CLTC: variants seen among roughly 807,000 people sequenced by gnomAD.
CLTC encodes clathrin heavy chain, also known as clathrin heavy chain 1.
Under a neutral mutation model 195.8 loss-of-function variants are expected in CLTC, and 16 were observed. The ratio of observed to expected loss-of-function variants is 0.08; its 90% CI spans 0.06 to 0.12. CLTC has a LOEUF of 0.12. CLTC is among the 10% of genes least tolerant of loss of function. The probability of loss-of-function intolerance (pLI) is 1.00; values close to 1 mark genes in which losing one functional copy is unlikely to be tolerated. For synonymous variants in CLTC, 667 were observed against 689.4 expected (o/e 0.97, Z 0.51); for missense variants, 796 against 2,027.0 (o/e 0.39, Z 11.66).
chr17:59,642,863 A>T (rs1409876421), intron 1 of CLTC, among the ~76,000 whole-genome samples: 3 of 152,212 alleles, frequency 2.0e-5, no homozygotes, highest in Non-Finnish European at 4.4e-5. Context: ...TAATACCAGT[A>T]GTAATTGAGA....
intron 13 of CLTC, 113 bp downstream of exon 13, chr17:59,667,090 AC>A: frequency 1.3e-6 from 1 of 758,118 alleles, no homozygotes. Flanking sequence ...GTTCTATGGG[AC>A]ATTTTAATTT....
Position 59,683,858 on chromosome 17 carries a change from A to G in CLTC, c.4324-17A>G, listed in dbSNP as rs768915486. 8 of 1,612,034 alleles carry G rather than the reference A, an allele frequency of 5.0e-6. No homozygotes were observed. Among genetic ancestry groups the G allele is most frequent in the East Asian group, 2.2e-5 (1 of 44,858 alleles). ...TCAATAATGTGCTATATTTGTAACA[A>G]ACTCTTTATTTTAAAGGTTAAACAG... On this transcript the variant is annotated splice_polypyrimidine_tract_variant and intron_variant, in intron 27 of 31. Transcript: ENST00000269122. This position sits in a 1 kb window ranked among gnomAD's most constrained non-coding sequence, Gnocchi z 6.1.
In CLTC at chr17:59,681,544, T is replaced by TG; in HGVS notation, c.3249+67dup. 6.3e-7 allele frequency: 1 copy of TG among 1,582,100 alleles called. No homozygotes were observed. Among genetic ancestry groups the TG allele is most frequent in the South Asian group, 1.1e-5 (1 of 88,568 alleles). On this transcript the variant is annotated intron_variant, in intron 20 of 31. Coordinates refer to ENST00000269122, the MANE Select transcript of CLTC (RefSeq NM_004859.4). The surrounding 1 kb of genome is among the most constrained non-coding windows in gnomAD (Gnocchi z 5.0). ...TGCTATGAGGGTGGGCCTAATTGGTTGCTACGGCAATAGAGCAGCAATAAA... is the reference window on the plus strand; with the variant it reads ...TGCTATGAGGGTGGGCCTAATTGGTTGGCTACGGCAATAGAGCAGCAATAAA...
chr17:59,635,931 C>G (rs1486045345), intron 1 of CLTC, among the ~76,000 whole-genome samples: 1 of 152,084 alleles, frequency 6.6e-6, no homozygotes, highest in Admixed American at 6.5e-5. Flanking sequence ...CTATATCGGC[C>G]AGGCGTGGTG....
At chr17:59,684,993 A>T (rs186279542) in intron 28 of CLTC, 63 bp from the exon 29 acceptor site, 6 of 1,327,700 alleles carry the variant, frequency 4.5e-6, no homozygotes, top group Non-Finnish European at 5.0e-6. Flanking sequence ...TCATTGATTG[A>T]GAACGGAATA....
chr17:59,685,467 G>A lies in CLTC; in HGVS notation c.4606-120G>A. On this transcript the variant is annotated intron_variant, in intron 29 of 31. Coordinates refer to ENST00000269122, the MANE Select transcript of CLTC (RefSeq NM_004859.4). The surrounding 1 kb of genome is among the most constrained non-coding windows in gnomAD (Gnocchi z 5.0). ...AATTTTAATTTAAATGATACAACTA[G>A]GAGGCTTTTTTCCCCTTGCAAAACC... 1.1e-6 allele frequency: 1 copy of A among 938,930 alleles called. No homozygotes were observed. Among genetic ancestry groups the A allele is most frequent in the Non-Finnish European group, 1.6e-6 (1 of 634,734 alleles). The allele number at this position is 938,930 out of a possible 1,614,324, so 58.2% of individuals were successfully genotyped here.
At chr17:59,626,674 C>G (rs892112048) in intron 1 of CLTC, among the ~76,000 whole-genome samples, 75 of 152,154 alleles carry the variant, frequency 4.9e-4, no homozygotes, top group African/African-American at 1.6e-3. Context: ...GCCAAAACTA[C>G]TTCATGAAAT....
chr17:59,694,163 C>A lies in CLTC; in HGVS notation c.*311C>A, dbSNP rs1460318455. On this transcript the variant is annotated 3_prime_UTR_variant, in exon 32 of 32. Coordinates refer to ENST00000269122, the MANE Select transcript of CLTC (RefSeq NM_004859.4). ...TCTGTTGTGAAGAACCTGATTTGCA[C>A]TCTGTAGTGTTTAAAGAAACAAAGA... 1 of 244,844 alleles carries A rather than the reference C, an allele frequency of 4.1e-6. No homozygotes were observed. Among genetic ancestry groups the A allele is most frequent in the East Asian group, 6.2e-5 (1 of 16,036 alleles). The allele number at this position is 244,844 out of a possible 1,614,324, so 15.2% of individuals were successfully genotyped here.
chr17:59,668,116 CTATTA>C (rs2032771351), intron 13 of CLTC, among the ~76,000 whole-genome samples: 1 of 152,110 alleles, frequency 6.6e-6, no homozygotes, highest in African/African-American at 2.4e-5. Context: ...TGTTTAGTGG[CTATTA>C]TATTGGAAGG....
intron 1 of CLTC, among the ~76,000 whole-genome samples, chr17:59,635,191 T>G (rs970634508): frequency 6.6e-6 from 1 of 152,218 alleles, no homozygotes; most frequent in Non-Finnish European, 1.5e-5. Flanking sequence ...AAACAGTAGC[T>G]CATACATACT....
chr17:59,647,401 G>C lies in CLTC; in HGVS notation c.254G>C (p.Gly85Ala), dbSNP rs1440640735. ...TAATTCTTGATTTTGTTTTTAGCTG[G>C]GAAAACTCTTCAGATTTTTAACATT... ...PASKVIALKA[G>A]KTLQIFNIEM... Residue 85 changes from glycine to alanine, a missense_variant, in exon 3 of 32, where the codon GGG becomes GCG. Transcript: ENST00000269122. 1 of 1,609,672 alleles carries C rather than the reference G, an allele frequency of 6.2e-7. No homozygotes were observed. Among genetic ancestry groups the C allele is most frequent in the Non-Finnish European group, 8.5e-7 (1 of 1,177,212 alleles).
chr17:59,684,147 G>T (rs776838324), intron 28 of CLTC, 162 bp downstream of exon 28: 75 of 568,842 alleles, frequency 1.3e-4, no homozygotes, highest in Non-Finnish European at 2.0e-4. Flanking sequence ...TTCTAATTAA[G>T]TGCCAAGTTT....
chr17:59,641,111 C>T (rs1401843532), intron 1 of CLTC, among the ~76,000 whole-genome samples: 1 of 106,330 alleles, frequency 9.4e-6, no homozygotes, highest in Non-Finnish European at 2.3e-5. Context: ...GAGCGAGACT[C>T]GGTTTCAAAA....
intron 28 of CLTC, 95 bp from the exon 29 acceptor site, chr17:59,684,961 T>C: frequency 2.2e-6 from 2 of 921,390 alleles, no homozygotes; most frequent in Non-Finnish European, 3.1e-6. Flanking sequence ...GGTGTCATAT[T>C]ACATGTTACC....
Position 59,682,614 on chromosome 17 carries a change from C to A in CLTC, c.3601-15C>A, listed in dbSNP as rs775048594. 1.2e-6 allele frequency: 2 copies of A among 1,612,604 alleles called. No individual in the cohort carries two copies. The highest frequency in any genetic ancestry group is 1.1e-5 in the South Asian group (1 of 91,046). On this transcript the variant is annotated splice_polypyrimidine_tract_variant and intron_variant, in intron 22 of 31. Transcript: ENST00000269122. The surrounding 1 kb of genome is among the most constrained non-coding windows in gnomAD (Gnocchi z 6.8). ...CTAATATCTTGCTGAATGTGGGTTACCTTTTTTTTTCCAGGTTGGTGACCG... is the reference window on the plus strand; with the variant it reads ...CTAATATCTTGCTGAATGTGGGTTAACTTTTTTTTTCCAGGTTGGTGACCG...
In CLTC at chr17:59,696,283, G is replaced by T. The variant is rs1567981984; in HGVS notation, c.*2431G>T. ...CTGTGCTGTCATATGCCTGTGCGAA[G>T]TGTATTAAATGAATCAAATATTAGA... is the stretch of plus-strand genomic sequence containing the variant. On this transcript the variant is annotated 3_prime_UTR_variant, in exon 32 of 32. Coordinates refer to ENST00000269122, the MANE Select transcript of CLTC (RefSeq NM_004859.4). The T allele has an allele frequency of 4.5e-6, 1 of 221,970 alleles. No homozygotes were observed. 13.8% of individuals were successfully genotyped at this position (221,970 alleles called of 1,614,324 possible).
intron 30 of CLTC, chr17:59,687,160 C>T (rs1399716952): frequency 4.2e-6 from 1 of 240,302 alleles, no homozygotes; most frequent in Non-Finnish European, 6.7e-6. Flanking sequence ...CTGCAAGTCC[C>T]TTGAAACATA....
intron 1 of CLTC, among the ~76,000 whole-genome samples, chr17:59,640,812 CAT>C (rs1461203935): frequency 3.9e-5 from 6 of 151,998 alleles, no homozygotes; most frequent in African/African-American, 9.7e-5. Context: ...TATGTTTAAA[CAT>C]GTGCCATTAT....
At chr17:59,673,289 G>C (rs2032894717) in intron 14 of CLTC, among the ~76,000 whole-genome samples, 1 of 152,150 alleles carries the variant, frequency 6.6e-6, no homozygotes, top group African/African-American at 2.4e-5. Flanking sequence ...TGTGACTATA[G>C]TTATTAAGTT....
Sources: allele counts gnomAD v4.1 joint callset (sites outside exome capture counted in the v4.1 genomes callset), GRCh38; gene constraint gnomAD v4.1.1; non-coding constraint Gnocchi (gnomAD v3.1); transcripts MANE v1.5; gene names NCBI Gene and HGNC (gene_info 2026-07-23, HGNC 2026-07-21).